The following PCDHA2 variants were observed in gnomAD, a reference collection of about 807,000 sequenced individuals.
The protein encoded by PCDHA2 is protocadherin alpha-2.
PCDHA2 carries 58 observed loss-of-function variants against 66.0 expected under a neutral mutation model. The observed-to-expected ratio is 0.88, with a 90% CI of 0.71 to 1.09. PCDHA2 has a LOEUF of 1.09. PCDHA2 is among the 50% of genes least tolerant of loss of function. The probability of loss-of-function intolerance (pLI) is 0.00; values close to 1 mark genes in which losing one functional copy is unlikely to be tolerated. For missense variants in PCDHA2, 1,267 were observed against 1,242.3 expected (o/e 1.02, Z -0.30); for synonymous variants, 634 against 554.0 (o/e 1.14, Z -2.03).
In PCDHA2 at chr5:140,972,940, A is replaced by G. The variant is rs148421479; in HGVS notation, c.2389-6009A>G. The stretch of plus-strand genomic sequence containing the variant: ...GCCTCCCAAAGTGCTGGGATTACAG[A>G]TGTGAGCCACCATGCCCGGCAAAGG... On this transcript the variant is annotated intron_variant, in intron 1 of 3. Coordinates refer to ENST00000526136, the MANE Select transcript of PCDHA2 (RefSeq NM_018905.3). Among the ~76,000 whole-genome samples the G allele has an allele frequency of 9.4e-3, 1,423 of 152,078 alleles. 26 individuals are homozygous for G. The highest frequency in any genetic ancestry group is 0.032 in the African/African-American group (1,334 of 41,472).
intron 1 of PCDHA2, chr5:140,824,049 C>T: frequency 6.2e-7 from 1 of 1,614,198 alleles, no homozygotes; most frequent in Non-Finnish European, 8.5e-7. Context: ...AGAGGGTGTG[C>T]TCTGGGGAAG....
chr5:141,005,959 A>G (rs1225421383), intron 3 of PCDHA2, among the ~76,000 whole-genome samples: 1 of 152,048 alleles, frequency 6.6e-6, no homozygotes, highest in African/African-American at 2.4e-5. Context: ...ACAAACAACA[A>G]TAAAAAAACA....
chr5:140,903,491 G>T (rs1253397353), intron 1 of PCDHA2, among the ~76,000 whole-genome samples: 4 of 152,094 alleles, frequency 2.6e-5, no homozygotes, highest in African/African-American at 9.7e-5. Flanking sequence ...GTTCTGAGCA[G>T]GTACCATAGA....
intron 1 of PCDHA2, among the ~76,000 whole-genome samples, chr5:140,901,405 G>C (rs1366026091): frequency 6.6e-6 from 1 of 152,128 alleles, no homozygotes; most frequent in Non-Finnish European, 1.5e-5. Context: ...TGAGAGATAG[G>C]GGTCTAGTTT....
intron 1 of PCDHA2, chr5:140,882,876 A>G (rs1554175925): frequency 6.2e-7 from 1 of 1,614,238 alleles, no homozygotes. Flanking sequence ...CTGGACAGAG[A>G]GGAAATTCAG....
In PCDHA2 at chr5:140,835,502, C is replaced by A. The variant is rs139807581; in HGVS notation, c.2388+38150C>A. The stretch of plus-strand genomic sequence containing the variant: ...CAGGTACCGTCATCACATTGATTAG[C>A]GTGTTTGACCGAGATTTTGGAGTCA... On this transcript the variant is annotated intron_variant, in intron 1 of 3. Transcript: ENST00000526136. 2.5e-6 allele frequency: 4 copies of A among 1,613,806 alleles called. No homozygotes were observed. The highest frequency in any genetic ancestry group is 1.7e-5 in the Admixed American group (1 of 59,986).
In PCDHA2 at chr5:140,805,555, AG is replaced by A. The variant is rs1181654207; in HGVS notation, c.2388+8205del. 1.2e-5 allele frequency: 12 copies of A among 976,848 alleles called. No individual in the cohort carries two copies. The African/African-American group carries it at 2.1e-4, about 17-fold the overall frequency. 60.5% of individuals were successfully genotyped at this position (976,848 alleles called of 1,614,324 possible). A position where few individuals can be genotyped will look rare whatever the true frequency, so the allele number is the denominator to read the frequency against. On this transcript the variant is annotated intron_variant, in intron 1 of 3. Transcript: ENST00000526136. ...ATGAAAATAACTTTATGGATATAGG[AG>A]GCAAGGAAAGTTTTTAAATGGCTAC...
At chr5:140,863,101 C>T in intron 1 of PCDHA2, 1 of 580,234 alleles carries the variant, frequency 1.7e-6, no homozygotes, top group Non-Finnish European at 3.4e-6. Flanking sequence ...GACGAGTACC[C>T]TGGACGAGGC....
In PCDHA2 at chr5:140,853,104, C is replaced by T. The variant is rs1299242689; in HGVS notation, c.2388+55752C>T. 2.1e-5 allele frequency: 8 copies of T among 388,186 alleles called. 1 individual carries two copies. The highest frequency in any genetic ancestry group is 4.4e-5 in the African/African-American group (2 of 45,392). 24.0% of individuals were successfully genotyped at this position (388,186 alleles called of 1,614,324 possible). A position where few individuals can be genotyped will look rare whatever the true frequency, so the allele number is the denominator to read the frequency against. ...CCGTGTTAGTCAGGATGGTCTCGAT[C>T]TCCTGACCTCATGATCCTCCCGCCT... On this transcript the variant is annotated intron_variant, in intron 1 of 3. Coordinates refer to ENST00000526136, the MANE Select transcript of PCDHA2 (RefSeq NM_018905.3).
chr5:140,892,555 T>C (rs1554185273), intron 1 of PCDHA2, among the ~76,000 whole-genome samples: 1 of 152,260 alleles, frequency 6.6e-6, no homozygotes, highest in African/African-American at 2.4e-5. Context: ...TCTCTAGTCC[T>C]TGGAGACTGT....
intron 1 of PCDHA2, among the ~76,000 whole-genome samples, chr5:140,918,196 G>T (rs978589409): frequency 7.9e-5 from 12 of 152,102 alleles, no homozygotes; most frequent in Non-Finnish European, 1.6e-4. Flanking sequence ...CCTCAGCTTG[G>T]ATGTTGTTGG....
intron 1 of PCDHA2, chr5:140,875,983 G>A: frequency 6.2e-7 from 1 of 1,613,992 alleles, no homozygotes; most frequent in Non-Finnish European, 8.5e-7. Context: ...TTTGACCTAT[G>A]CGTTAAGTCT....
intron 1 of PCDHA2, chr5:140,809,297 A>G: frequency 2.5e-6 from 4 of 1,614,102 alleles, no homozygotes; most frequent in Middle Eastern, 3.3e-4. Context: ...GATCATTGCC[A>G]TCTGCGCGGT....
chr5:140,880,689 T>C lies in PCDHA2; in HGVS notation c.2388+83337T>C, dbSNP rs957358698. 1.2e-4 allele frequency among the ~76,000 whole-genome samples: 18 copies of C among 152,326 alleles called. No homozygotes were observed. In the South Asian group the frequency reaches 3.7e-3, roughly 32 times the overall value. Reference sequence around the variant, plus strand: ...AGAGTAAATTTGAAGAGAATAGTCATGGTTAAGTGACAATGTTGAGCAGCT... The same window carrying C: ...AGAGTAAATTTGAAGAGAATAGTCACGGTTAAGTGACAATGTTGAGCAGCT... On this transcript the variant is annotated intron_variant, in intron 1 of 3. Transcript: ENST00000526136.
chr5:140,849,989 G>T lies in PCDHA2; in HGVS notation c.2388+52637G>T, dbSNP rs150286933. On this transcript the variant is annotated intron_variant, in intron 1 of 3. Transcript: ENST00000526136. ...TGTCCTACTCGCTGGTGGAGCGGCG[G>T]TTGGGCGAGCGCTCGCTGTCGAGCT... The T allele has an allele frequency of 5.0e-4, 791 of 1,597,330 alleles. 42 individuals carry two copies. The African/African-American group carries it at 9.7e-3, about 20-fold the overall frequency.
chr5:140,882,466 G>A (rs782656797), intron 1 of PCDHA2: 1 of 1,614,028 alleles, frequency 6.2e-7, no homozygotes, highest in South Asian at 1.1e-5. Flanking sequence ...TGTTCCGGGT[G>A]GCGTCCAAAA....
chr5:140,844,321 A>T lies in PCDHA2; in HGVS notation c.2388+46969A>T, dbSNP rs1407685280. Reference sequence around the variant, plus strand: ...TAGTTTTCATATTCTTCCTAATTTTATTATAAACTAGTTAAAAAGTAAAAT... The same window carrying T: ...TAGTTTTCATATTCTTCCTAATTTTTTTATAAACTAGTTAAAAAGTAAAAT... On this transcript the variant is annotated intron_variant, in intron 1 of 3. Coordinates refer to ENST00000526136, the MANE Select transcript of PCDHA2 (RefSeq NM_018905.3). Among the ~76,000 whole-genome samples the T allele has an allele frequency of 6.0e-5, 9 of 149,650 alleles. 1 individual carries two copies. Among genetic ancestry groups the T allele is most frequent in the African/African-American group, 2.2e-4 (9 of 41,032 alleles).
At chr5:140,817,320 C>T (rs1331409789) in intron 1 of PCDHA2, 14 of 152,186 alleles carry the variant, frequency 9.2e-5, no homozygotes, top group Non-Finnish European at 1.5e-5. Context: ...GAAAAGTGCC[C>T]AGCTAGTTTT....
At chr5:140,958,367 T>C (rs1029042656) in intron 1 of PCDHA2, among the ~76,000 whole-genome samples, 2 of 152,166 alleles carry the variant, frequency 1.3e-5, no homozygotes, top group Admixed American at 6.5e-5. Context: ...TTATCAGGAA[T>C]GTTGCTATTT....
Sources: gnomAD v4.1 joint callset for allele counts (sites outside exome capture counted in the v4.1 genomes callset) on GRCh38, gnomAD v4.1.1 for gene constraint, MANE v1.5 for transcripts, NCBI Gene and HGNC (gene_info 2026-07-23, HGNC 2026-07-21) for gene names.